Variants in COX10 observed in about 807,000 individuals in gnomAD.
The protein encoded by COX10 is cytochrome c oxidase assembly factor heme A:farnesyltransferase COX10, also known as protoheme IX farnesyltransferase, mitochondrial.
Under a neutral mutation model 37.3 loss-of-function variants are expected in COX10, and 27 were observed. The ratio of observed to expected loss-of-function variants is 0.72; its 90% CI spans 0.53 to 1.00. The LOEUF is 1.00. Among genes scored for constraint, COX10 ranks in the 50% least tolerant of loss-of-function variants. The pLI is 0.00. For synonymous variants in COX10, 222 were observed against 229.1 expected, an observed-to-expected ratio of 0.97 and a Z score of 0.28; for missense variants, 475 against 563.2, an observed-to-expected ratio of 0.84 and a Z score of 1.59.
At chr17:14,186,969 C>T (rs1202785986) in intron 5 of COX10, among the ~76,000 whole-genome samples, 2 of 132,280 alleles carry the variant, frequency 1.5e-5, no homozygotes, top group East Asian at 2.3e-4. Context: ...TCTCAGTAAA[C>T]TTGTCTTATT....
At chr17:14,121,212 C>G (rs1439061921) in intron 4 of COX10, among the ~76,000 whole-genome samples, 1 of 152,110 alleles carries the variant, frequency 6.6e-6, no homozygotes, top group African/African-American at 2.4e-5. Flanking sequence ...TGATATCAGG[C>G]TTTATGATCT....
chr17:14,162,968 A>C (rs1905199185), intron 5 of COX10, among the ~76,000 whole-genome samples: 1 of 152,220 alleles, frequency 6.6e-6, no homozygotes, highest in African/African-American at 2.4e-5. Context: ...CTTTAAAAAT[A>C]CATCATTTGC....
At chr17:14,093,223 A>AT (rs1266834409) in intron 3 of COX10, among the ~76,000 whole-genome samples, 1 of 152,118 alleles carries the variant, frequency 6.6e-6, no homozygotes, top group Non-Finnish European at 1.5e-5. Context: ...ATCCAACTTG[A>AT]TTTTTTGGAC....
intron 3 of COX10, among the ~76,000 whole-genome samples, chr17:14,094,954 A>G (rs1201614894): frequency 6.6e-6 from 1 of 152,238 alleles, no homozygotes; most frequent in Non-Finnish European, 1.5e-5. Flanking sequence ...TTGGAGGGAC[A>G]GAAACTGTAG....
intron 4 of COX10, among the ~76,000 whole-genome samples, chr17:14,152,888 A>G (rs1192476105): frequency 6.6e-6 from 1 of 152,206 alleles, no homozygotes; most frequent in Non-Finnish European, 1.5e-5. Flanking sequence ...GGCAGGAGCT[A>G]CAGAAGCTGC....
At chr17:14,181,935 C>G in intron 5 of COX10, 1 of 935,420 alleles carries the variant, frequency 1.1e-6, no homozygotes, top group Non-Finnish European at 1.3e-6. Context: ...TCACCACGTA[C>G]TCCCCTCTGA....
chr17:14,089,190 G>C (rs180912285), intron 3 of COX10, among the ~76,000 whole-genome samples: 122 of 152,246 alleles, frequency 8.0e-4, no homozygotes, highest in Admixed American at 6.5e-3. Flanking sequence ...TCTTGGAGGA[G>C]GACATGAAGC....
In COX10 at chr17:14,207,261, A is replaced by G. The variant is rs1199167306; in HGVS notation, c.*48A>G. On this transcript the variant is annotated 3_prime_UTR_variant, in exon 7 of 7. Coordinates refer to ENST00000261643, the MANE Select transcript of COX10 (RefSeq NM_001303.4). ...CCTTTCCCTCCGCTGCCAGGCGAGC[A>G]TGTTGTGGTAATTCTGGAACACAAG... 4 of 1,499,462 alleles carry G rather than the reference A, an allele frequency of 2.7e-6. No homozygotes were observed. The highest frequency in any genetic ancestry group is 3.5e-6 in the Non-Finnish European group (4 of 1,128,376). The allele number at this position is 1,499,462 out of a possible 1,614,324, so 92.9% of individuals were successfully genotyped here.
chr17:14,195,052 C>T (rs1475103307), intron 6 of COX10, among the ~76,000 whole-genome samples: 1 of 152,148 alleles, frequency 6.6e-6, no homozygotes, highest in Non-Finnish European at 1.5e-5. Context: ...ACTTACTGCC[C>T]CCAGAATCCC....
intron 3 of COX10, among the ~76,000 whole-genome samples, chr17:14,092,567 T>G (rs1915552456): frequency 6.6e-6 from 1 of 152,070 alleles, no homozygotes; most frequent in South Asian, 2.1e-4. Flanking sequence ...AAATAGCACG[T>G]CTCATATCAA....
intron 5 of COX10, chr17:14,177,277 T>C: frequency 1.4e-6 from 1 of 720,504 alleles, no homozygotes. Flanking sequence ...AGCATTTACT[T>C]TGGTTGTTTA....
chr17:14,192,859 CACTT>C (rs1309377925), intron 6 of COX10, among the ~76,000 whole-genome samples: 10 of 151,976 alleles, frequency 6.6e-5, no homozygotes, highest in Non-Finnish European at 1.0e-4. Flanking sequence ...TTTTGACCGA[CACTT>C]AGGAAGGAAG....
At chr17:14,144,480 G>T (rs142206618) in intron 4 of COX10, among the ~76,000 whole-genome samples, 1 of 152,216 alleles carries the variant, frequency 6.6e-6, no homozygotes, top group East Asian at 1.9e-4. Context: ...AGCACTAGTG[G>T]ATGAAAAATT....
At chr17:14,143,344 T>C (rs1048187502) in intron 4 of COX10, among the ~76,000 whole-genome samples, 1 of 152,220 alleles carries the variant, frequency 6.6e-6, no homozygotes, top group African/African-American at 2.4e-5. Context: ...TTTTGTTATG[T>C]ATTTGCTTGA....
chr17:14,071,088 G>A (rs1197623421), intron 1 of COX10, among the ~76,000 whole-genome samples: 1 of 152,132 alleles, frequency 6.6e-6, no homozygotes, highest in Non-Finnish European at 1.5e-5. Flanking sequence ...TACCATACCT[G>A]ACTGTGAATG....
At chr17:14,137,879 T>C (rs558677202) in intron 4 of COX10, among the ~76,000 whole-genome samples, 24 of 151,736 alleles carry the variant, frequency 1.6e-4, no homozygotes, top group Admixed American at 3.3e-4. Flanking sequence ...TAGGTCATTA[T>C]TCAGATAGAG....
chr17:14,144,477 G>A (rs1006343361), intron 4 of COX10, among the ~76,000 whole-genome samples: 1 of 152,166 alleles, frequency 6.6e-6, no homozygotes, highest in Admixed American at 6.6e-5. Flanking sequence ...AGGAGCACTA[G>A]TGGATGAAAA....
At chr17:14,165,375 A>G (rs1228583197) in intron 5 of COX10, among the ~76,000 whole-genome samples, 1 of 152,108 alleles carries the variant, frequency 6.6e-6, no homozygotes, top group African/African-American at 2.4e-5. Flanking sequence ...CAGTATTTCA[A>G]GCTTTTTTAT....
intron 4 of COX10, among the ~76,000 whole-genome samples, chr17:14,128,866 A>T (rs1485747686): frequency 1.3e-5 from 2 of 152,178 alleles, no homozygotes; most frequent in African/African-American, 4.8e-5. Flanking sequence ...TTTTTTTGAG[A>T]CAGAGTCTTG....
Sources: gnomAD v4.1 joint callset for allele counts (sites outside exome capture counted in the v4.1 genomes callset) on GRCh38, gnomAD v4.1.1 for gene constraint, MANE v1.5 for transcripts, NCBI Gene and HGNC (gene_info 2026-07-23, HGNC 2026-07-21) for gene names.